Variants in NEIL3 observed in about 807,000 individuals in gnomAD.
NEIL3 encodes nei like DNA glycosylase 3.
NEIL3 carries 48 observed loss-of-function variants against 57.5 expected under a neutral mutation model. The observed-to-expected ratio is 0.83, with a 90% CI of 0.66 to 1.06. NEIL3 has a LOEUF of 1.06. NEIL3 is among the 50% of genes least tolerant of loss of function. NEIL3 has a pLI of 0.00. For missense variants in NEIL3, 717 were observed against 739.1 expected, an observed-to-expected ratio of 0.97 and a Z score of 0.35; for synonymous variants, 261 against 253.2, an observed-to-expected ratio of 1.03 and a Z score of -0.29.
chr4:177,340,959 C>T (rs1214815324), intron 5 of NEIL3, among the ~76,000 whole-genome samples: 1 of 151,700 alleles, frequency 6.6e-6, no homozygotes, highest in African/African-American at 2.4e-5. Context: ...ATTAATGAAT[C>T]TCTAAGGTTA....
intron 1 of NEIL3, among the ~76,000 whole-genome samples, chr4:177,319,402 G>A (rs1025376610): frequency 9.9e-5 from 15 of 152,096 alleles, no homozygotes; most frequent in Non-Finnish European, 1.9e-4. Context: ...TTCATAATTG[G>A]CCAATCGGAC....
rs765306765 is a variant in NEIL3 at position 177,335,767 on chromosome 4, G to T, written c.358G>T (p.Glu120Ter). 2 of 1,591,146 alleles carry T rather than the reference G, an allele frequency of 1.3e-6. No homozygotes were observed. Among genetic ancestry groups the T allele is most frequent in the South Asian group, 2.3e-5 (2 of 85,960 alleles). Residue 120 changes from glutamate (E) to a stop codon, truncating the protein, a stop_gained, in exon 3 of 10, where the codon GAA (glutamate) becomes TAA (stop). Transcript: ENST00000264596. LOFTEE classifies it high-confidence loss of function. ...TAAAAATGGAGCTTCTCCTGTTTTG[G>T]AAGTGCAGCTCACCAAAGATTTGAT... ...KYKNGASPVL[E>*]VQLTKDLICF...
chr4:177,362,948 A>G (rs868604963), downstream of NEIL3: 2 of 152,210 alleles, frequency 1.3e-5, no homozygotes, highest in Non-Finnish European at 2.9e-5. Flanking sequence ...GAACAAGTCT[A>G]TTTTTAAAAT....
At chr4:177,361,915 C>A (rs1735614431) in intron 9 of NEIL3, among the ~76,000 whole-genome samples, 1 of 152,040 alleles carries the variant, frequency 6.6e-6, no homozygotes, top group African/African-American at 2.4e-5. Flanking sequence ...CATGAGCCAC[C>A]GCACCTCACC....
In NEIL3 at chr4:177,362,321, T is replaced by C; in HGVS notation, c.1668T>C (p.His556=). The change falls in exon 10 of 10, where the codon CAT becomes CAC. Residue 556 remains histidine (H), a synonymous_variant. Coordinates refer to ENST00000264596, the MANE Select transcript of NEIL3 (RefSeq NM_018248.3). ...WADLSFPFCN[H]GKRSTMKTVL... ...ATTTGTCCTTCCCATTCTGCAACCA[T>C]GGCAAGCGTTCCACCATGAAAACAG... 4 of 1,608,376 alleles carry C rather than the reference T, an allele frequency of 2.5e-6. No homozygotes were observed. Among genetic ancestry groups the C allele is most frequent in the Non-Finnish European group, 3.4e-6 (4 of 1,178,190 alleles).
intron 6 of NEIL3, among the ~76,000 whole-genome samples, chr4:177,350,737 G>C (rs754605033): frequency 3.3e-5 from 5 of 151,592 alleles, no homozygotes; most frequent in Non-Finnish European, 5.9e-5. Context: ...TTTTCATTTT[G>C]TTTGGGAAAA....
At chr4:177,355,885 C>T (rs1420490777) in intron 8 of NEIL3, among the ~76,000 whole-genome samples, 2 of 152,076 alleles carry the variant, frequency 1.3e-5, no homozygotes, top group Admixed American at 1.3e-4. Context: ...ATGTCTTGTT[C>T]ATAATCATTT....
chr4:177,312,040 A>G (rs1322007395), intron 1 of NEIL3, among the ~76,000 whole-genome samples: 4 of 152,226 alleles, frequency 2.6e-5, no homozygotes, highest in African/African-American at 4.8e-5. Flanking sequence ...TTTTAAATAA[A>G]TATCACCTCA....
At chr4:177,327,576 C>A (rs1425022913) in intron 2 of NEIL3, among the ~76,000 whole-genome samples, 1 of 152,134 alleles carries the variant, frequency 6.6e-6, no homozygotes, top group Non-Finnish European at 1.5e-5. Flanking sequence ...TAATGCTCTC[C>A]CTCTCCTTGT....
At chr4:177,363,254 C>A (rs1735646273), downstream of NEIL3, among the ~76,000 whole-genome samples, 1 of 152,140 alleles carries the variant, frequency 6.6e-6, no homozygotes. Flanking sequence ...CCTTTCAGAG[C>A]TGGTTGAATC....
rs575617026 is a variant in NEIL3, at chr4:177,321,463, AAAT to A, written c.157-992_157-990del. Among the ~76,000 whole-genome samples the A allele has an allele frequency of 6.6e-3, 999 of 152,232 alleles. 8 individuals are homozygous for A. The highest frequency in any genetic ancestry group is 0.023 in the African/African-American group (949 of 41,564). On this transcript the variant is annotated intron_variant, in intron 1 of 9. Coordinates refer to ENST00000264596, the MANE Select transcript of NEIL3 (RefSeq NM_018248.3). The stretch of plus-strand genomic sequence containing the variant: ...TTATAAAACATATATAAATAATAAA[AAAT>A]AATGACATAAGAAACACCAGTATAC...
chr4:177,368,493 C>T, the NEIL3 span, among the ~76,000 whole-genome samples: 4 of 152,100 alleles, frequency 2.6e-5, no homozygotes, highest in East Asian at 1.9e-4. Flanking sequence ...TACTATGGTC[C>T]GCATCATGTT....
At position 177,309,901 on chromosome 4, in the gene NEIL3, G is replaced by T; in HGVS notation, c.-53G>T. Reference sequence around the variant, plus strand: ...TGCCCGCGCAGCGTTGAGTTGCACAGCGGTATTCTCACCAGGCCCTGCAAT... The same window carrying T: ...TGCCCGCGCAGCGTTGAGTTGCACATCGGTATTCTCACCAGGCCCTGCAAT... On this transcript the variant is annotated 5_prime_UTR_variant, in exon 1 of 10. Transcript: ENST00000264596. 1 of 1,575,934 alleles carries T rather than the reference G, an allele frequency of 6.3e-7. No homozygotes were observed. The highest frequency in any genetic ancestry group is 1.9e-5 in the Admixed American group (1 of 53,448).
At chr4:177,336,498 C>T (rs1044067524) in intron 4 of NEIL3, among the ~76,000 whole-genome samples, 177 bp downstream of exon 4, 1 of 152,180 alleles carries the variant, frequency 6.6e-6, no homozygotes. Context: ...ACCGCACTTG[C>T]ACTTACAGTT....
At chr4:177,359,558 T>C (rs1273607245) in intron 8 of NEIL3, among the ~76,000 whole-genome samples, 1 of 152,106 alleles carries the variant, frequency 6.6e-6, no homozygotes, top group Non-Finnish European at 1.5e-5. Context: ...TATTTAAGAA[T>C]GATATTTTTG....
intron 5 of NEIL3, among the ~76,000 whole-genome samples, chr4:177,340,567 C>G (rs1205238126): frequency 6.6e-6 from 1 of 152,032 alleles, no homozygotes; most frequent in African/African-American, 2.4e-5. Flanking sequence ...GTGAATGAAC[C>G]TCTTGCTCTG....
intron 6 of NEIL3, among the ~76,000 whole-genome samples, chr4:177,350,352 G>T (rs1436950028): frequency 6.6e-6 from 1 of 152,186 alleles, no homozygotes; most frequent in African/African-American, 2.4e-5. Context: ...AGCTAGCTGT[G>T]CATTAGAGAG....
chr4:177,331,045 G>A (rs1049175560), intron 2 of NEIL3, among the ~76,000 whole-genome samples: 2 of 152,024 alleles, frequency 1.3e-5, no homozygotes. Context: ...AATTTATGTC[G>A]ATGAATTCAA....
In NEIL3 at chr4:177,320,423, G is replaced by T. The variant is rs369536303; in HGVS notation, c.157-2036G>T. 7.4e-4 allele frequency among the ~76,000 whole-genome samples: 108 copies of T among 146,910 alleles called. 6 individuals are homozygous for T. In the South Asian group the frequency reaches 0.023, roughly 32 times the overall value. Reference sequence around the variant, plus strand: ...GGCATATACCTACAGTCTCCAACAGGTTCTTTTTTTGTGATTTGTGCAGAA... The same window carrying T: ...GGCATATACCTACAGTCTCCAACAGTTTCTTTTTTTGTGATTTGTGCAGAA... On this transcript the variant is annotated intron_variant, in intron 1 of 9. Transcript: ENST00000264596.
Sources: allele counts gnomAD v4.1 joint callset (sites outside exome capture counted in the v4.1 genomes callset), GRCh38; gene constraint gnomAD v4.1.1; transcripts MANE v1.5; gene names NCBI Gene and HGNC (gene_info 2026-07-23, HGNC 2026-07-21).